The following GARIN1A variants were observed in gnomAD, a reference collection of about 807,000 sequenced individuals.
GARIN1A encodes the protein golgi associated RAB2 interactor 1A.
the GARIN1A span, among the ~76,000 whole-genome samples, chr7:128,693,106 C>T: frequency 6.6e-6 from 1 of 152,200 alleles, no homozygotes; most frequent in African/African-American, 2.4e-5. Flanking sequence ...TAGAACAAAT[C>T]GATTTATTTC....
At chr7:128,674,050 C>T in the GARIN1A span, among the ~76,000 whole-genome samples, 1 of 152,100 alleles carries the variant, frequency 6.6e-6, no homozygotes, top group African/African-American at 2.4e-5. Context: ...TGCACCACCT[C>T]GCCCAGCTAA....
chr7:128,682,964 G>C, the GARIN1A span: 1 of 1,587,614 alleles, frequency 6.3e-7, no homozygotes, highest in Non-Finnish European at 8.6e-7. Context: ...GCTCCTACAG[G>C]AACAATGACA....
the GARIN1A span, among the ~76,000 whole-genome samples, chr7:128,672,071 TG>T: frequency 6.6e-6 from 1 of 152,120 alleles, no homozygotes; most frequent in East Asian, 1.9e-4. Context: ...ATTTTTTCCA[TG>T]TGGGGTAAGG....
At chr7:128,700,187 A>G in the GARIN1A span, among the ~76,000 whole-genome samples, 1 of 151,736 alleles carries the variant, frequency 6.6e-6, no homozygotes, top group East Asian at 1.9e-4. Context: ...ACTAATTAGC[A>G]TGTGAATTGT....
At chr7:128,689,642 A>G in the GARIN1A span, among the ~76,000 whole-genome samples, 24,548 of 56,440 alleles carry the variant, frequency 0.43, 6,896 homozygotes, top group Middle Eastern at 0.62. Flanking sequence ...CCCGGCAGCC[A>G]CCCCGTCTGG....
chr7:128,685,507 A>T, the GARIN1A span: 1 of 152,250 alleles, frequency 6.6e-6, no homozygotes, highest in East Asian at 1.9e-4. Flanking sequence ...GTGCATGCTC[A>T]GTTGGGCTGA....
chr7:128,677,877 CTGTG>C, the GARIN1A span: 1 of 1,364,270 alleles, frequency 7.3e-7, no homozygotes, highest in Non-Finnish European at 1.0e-6. Flanking sequence ...ATGTAAGTGT[CTGTG>C]TATATATATA....
At chr7:128,671,841 TA>T in the GARIN1A span, among the ~76,000 whole-genome samples, 7,476 of 141,668 alleles carry the variant, frequency 0.053, 263 homozygotes, top group African/African-American at 0.11. Context: ...TCCATTTCTT[TA>T]AAAAAAAAAA....
the GARIN1A span, among the ~76,000 whole-genome samples, chr7:128,676,469 A>G: frequency 6.6e-5 from 3 of 45,762 alleles, no homozygotes; most frequent in Non-Finnish European, 9.4e-5. Context: ...GTGTGTGTGT[A>G]TATATAGACA....
At chr7:128,698,240 T>C in the GARIN1A span, among the ~76,000 whole-genome samples, 3 of 152,136 alleles carry the variant, frequency 2.0e-5, no homozygotes, top group Non-Finnish European at 4.4e-5. Context: ...CCAGTGCTTC[T>C]CTGTTGACTT....
At chr7:128,686,157 G>C in the GARIN1A span, 1 of 152,166 alleles carries the variant, frequency 6.6e-6, no homozygotes. Context: ...AGGTTACAGT[G>C]AGCAGAGATG....
At chr7:128,685,384 C>A in the GARIN1A span, 40 of 152,342 alleles carry the variant, frequency 2.6e-4, no homozygotes, top group African/African-American at 9.4e-4. Context: ...TTAATGTTGA[C>A]CTGATGTCTG....
At chr7:128,672,971 A>G in the GARIN1A span, among the ~76,000 whole-genome samples, 1 of 152,264 alleles carries the variant, frequency 6.6e-6, no homozygotes, top group African/African-American at 2.4e-5. Flanking sequence ...ACACTGGGTA[A>G]ATAGGTGTTG....
chr7:128,697,951 T>C, the GARIN1A span, among the ~76,000 whole-genome samples: 1 of 152,232 alleles, frequency 6.6e-6, no homozygotes, highest in African/African-American at 2.4e-5. Context: ...TTTTTGTAAC[T>C]ACTGCATTCT....
chr7:128,672,427 G>T, the GARIN1A span: 1 of 1,609,294 alleles, frequency 6.2e-7, no homozygotes, highest in Non-Finnish European at 8.5e-7. Flanking sequence ...TCCCACCTGA[G>T]GTCAGGGAAC....
chr7:128,693,229 A>G, the GARIN1A span, among the ~76,000 whole-genome samples: 2 of 152,268 alleles, frequency 1.3e-5, 1 homozygote, highest in Non-Finnish European at 2.9e-5. Context: ...AGCCAGAAAC[A>G]CACCATATAT....
At chr7:128,683,193 T>C in the GARIN1A span, 69 of 1,505,540 alleles carry the variant, frequency 4.6e-5, no homozygotes, top group Non-Finnish European at 5.9e-5. Context: ...CTTGCATACG[T>C]GTACTTGCTA....
At chr7:128,672,144 G>C in the GARIN1A span, 1 of 421,440 alleles carries the variant, frequency 2.4e-6, no homozygotes, top group Non-Finnish European at 4.2e-6. Flanking sequence ...TGGAAAGAGG[G>C]AGAAAAGAGC....
At chr7:128,678,623 G>T in the GARIN1A span, among the ~76,000 whole-genome samples, 1 of 151,898 alleles carries the variant, frequency 6.6e-6, no homozygotes, top group South Asian at 2.1e-4. Flanking sequence ...GCCCAACATG[G>T]TGAAACCCTG....
Sources: gnomAD v4.1 joint callset for allele counts (sites outside exome capture counted in the v4.1 genomes callset) on GRCh38, gnomAD v4.1.1 for gene constraint, MANE v1.5 for transcripts, NCBI Gene and HGNC (gene_info 2026-07-23, HGNC 2026-07-21) for gene names.